The following SASH1 variants were observed in gnomAD, a reference collection of about 807,000 sequenced individuals.
The protein encoded by SASH1 is SAM and SH3 domain-containing protein 1.
Under a neutral mutation model 125.2 loss-of-function variants are expected in SASH1, and 44 were observed. The ratio of observed to expected loss-of-function variants is 0.35; its 90% CI spans 0.28 to 0.45. SASH1 has a LOEUF of 0.45. Among genes scored for constraint, SASH1 ranks in the 20% least tolerant of loss-of-function variants. The probability of loss-of-function intolerance (pLI) is 1.00; values close to 1 mark genes in which losing one functional copy is unlikely to be tolerated. For synonymous variants in SASH1, 639 were observed against 649.1 expected, an observed-to-expected ratio of 0.98 and a Z score of 0.24; for missense variants, 1,426 against 1,614.5, an observed-to-expected ratio of 0.88 and a Z score of 2.00.
chr6:148,434,470 GT>G (rs947030242), intron 2 of SASH1, among the ~76,000 whole-genome samples: 3 of 151,912 alleles, frequency 2.0e-5, no homozygotes, highest in African/African-American at 4.8e-5. Flanking sequence ...TACTCTCAGC[GT>G]TTTTTTTCCT....
At chr6:148,394,134 C>G (rs926219389) in intron 2 of SASH1, among the ~76,000 whole-genome samples, 4 of 152,240 alleles carry the variant, frequency 2.6e-5, no homozygotes, top group Admixed American at 6.5e-5. Context: ...CTCAGATGAT[C>G]CTCCCGGCTT....
At chr6:148,373,144 T>C (rs907127053) in intron 1 of SASH1, among the ~76,000 whole-genome samples, 7 of 151,990 alleles carry the variant, frequency 4.6e-5, no homozygotes, top group African/African-American at 1.2e-4. Context: ...TGAGCCAAGA[T>C]TGCGCCATTG....
At chr6:148,501,186 T>C (rs1160537901) in intron 8 of SASH1, among the ~76,000 whole-genome samples, 2 of 152,050 alleles carry the variant, frequency 1.3e-5, no homozygotes, top group Admixed American at 6.6e-5. Flanking sequence ...CTCCATCAGT[T>C]CTCTGTATTT....
At chr6:148,463,434 G>A (rs958986400) in intron 4 of SASH1, among the ~76,000 whole-genome samples, 1 of 152,112 alleles carries the variant, frequency 6.6e-6, no homozygotes. Context: ...CAGACACTGC[G>A]CCCAGCTGCG....
At chr6:148,329,066 G>C (rs1780916763) in intron 1 of SASH1, among the ~76,000 whole-genome samples, 1 of 152,158 alleles carries the variant, frequency 6.6e-6, no homozygotes, top group African/African-American at 2.4e-5. Context: ...GGTGACCTCT[G>C]AAAGCAAAAT....
intron 16 of SASH1, among the ~76,000 whole-genome samples, chr6:148,535,560 C>T (rs112619086): frequency 0.031 from 4,709 of 152,268 alleles, 86 homozygotes; most frequent in African/African-American, 0.039. Flanking sequence ...CAGAGAATTC[C>T]GTATCGATTG....
intron 1 of SASH1, among the ~76,000 whole-genome samples, chr6:148,373,741 G>T (rs191683921): frequency 1.4e-4 from 21 of 144,928 alleles, no homozygotes; most frequent in African/African-American, 3.8e-4. Context: ...AGGCCAAGGT[G>T]GGGGGGATCA....
chr6:148,281,921 CAAAA>C (rs59183034), intron 1 of SASH1, among the ~76,000 whole-genome samples: 1 of 136,932 alleles, frequency 7.3e-6, no homozygotes, highest in Non-Finnish European at 1.6e-5. Context: ...GACTCCGTCT[CAAAA>C]AAAAAAAAGG....
intron 2 of SASH1, among the ~76,000 whole-genome samples, chr6:148,403,659 GTAGCT>G (rs1784266104): frequency 1.3e-5 from 2 of 152,048 alleles, no homozygotes; most frequent in African/African-American, 2.4e-5. Context: ...AGCCTCCTAA[GTAGCT>G]GGGATTCCAG....
rs11431914 is a variant in SASH1 at position 148,470,028 on chromosome 6, T to TAA, written c.428-1377_428-1376dup. Among the ~76,000 whole-genome samples, 63 of 121,512 alleles carry TAA rather than the reference T, an allele frequency of 5.2e-4. 1 individual carries two copies. The highest frequency in any genetic ancestry group is 4.1e-3 in the South Asian group (16 of 3,898). 79.7% of individuals were successfully genotyped at this position (121,512 alleles called of 152,430 possible). A position where few individuals can be genotyped will look rare whatever the true frequency, so the allele number is the denominator to read the frequency against. ...GCGACAGAGCAAGACTCTGTCTCACTAAAAAAAAAAAAAGAAAGAAAAAGA... is the reference window on the plus strand; with the variant it reads ...GCGACAGAGCAAGACTCTGTCTCACTAAAAAAAAAAAAAAAGAAAGAAAAAGA... On this transcript the variant is annotated intron_variant, in intron 5 of 19. Transcript: ENST00000367467.
At chr6:148,370,667 C>T (rs949346482) in intron 1 of SASH1, among the ~76,000 whole-genome samples, 1 of 151,866 alleles carries the variant, frequency 6.6e-6, no homozygotes, top group Admixed American at 6.6e-5. Context: ...ACTAAAAATA[C>T]AAAAAACTAG....
intron 1 of SASH1, among the ~76,000 whole-genome samples, chr6:148,314,831 A>G (rs559133427): frequency 2.6e-4 from 38 of 148,098 alleles, no homozygotes; most frequent in Admixed American, 1.1e-3. Context: ...ATCTTGGCTC[A>G]CTGCAACCTC....
At chr6:148,400,560 G>C (rs1161928222) in intron 2 of SASH1, among the ~76,000 whole-genome samples, 2 of 152,040 alleles carry the variant, frequency 1.3e-5, no homozygotes. Context: ...GACCAGCCTG[G>C]GTAACATGGC....
At chr6:148,448,477 G>A (rs1776915959) in intron 4 of SASH1, among the ~76,000 whole-genome samples, 1 of 152,122 alleles carries the variant, frequency 6.6e-6, no homozygotes, top group Non-Finnish European at 1.5e-5. Context: ...GTGAGTCCCT[G>A]TTGCATTGGG....
At chr6:148,482,533 T>C (rs1220108597) in intron 7 of SASH1, among the ~76,000 whole-genome samples, 1 of 151,972 alleles carries the variant, frequency 6.6e-6, no homozygotes, top group African/African-American at 2.4e-5. Context: ...ACTTTTTTTT[T>C]TTTTTCGAGG....
chr6:148,492,353 C>G (rs1779141407), intron 8 of SASH1, among the ~76,000 whole-genome samples: 1 of 152,186 alleles, frequency 6.6e-6, no homozygotes, highest in African/African-American at 2.4e-5. Context: ...ATGGGTTCTT[C>G]TTAATAGTTG....
chr6:148,356,494 C>CTTTTTTGTTTTTTTTTTTTTT (rs1781942248), intron 1 of SASH1, among the ~76,000 whole-genome samples: 1 of 116,284 alleles, frequency 8.6e-6, no homozygotes, highest in Non-Finnish European at 1.7e-5. Flanking sequence ...ACTTTTAGTT[C>CTTTTTTGTTTTTTTTTTTTTT]TTTTTTTTTT....
At chr6:148,410,128 T>G (rs1456458978) in intron 2 of SASH1, among the ~76,000 whole-genome samples, 1 of 88,328 alleles carries the variant, frequency 1.1e-5, no homozygotes, top group Non-Finnish European at 2.3e-5. Context: ...TTTTTTTTTT[T>G]GAGACAGAGT....
chr6:148,216,661 A>C, the SASH1 span, among the ~76,000 whole-genome samples: 11,344 of 152,192 alleles, frequency 0.075, 514 homozygotes, highest in East Asian at 0.12. Context: ...GCAGGGAAAG[A>C]GGATGAGATG....
Sources: allele counts gnomAD v4.1 joint callset (sites outside exome capture counted in the v4.1 genomes callset), GRCh38; gene constraint gnomAD v4.1.1; transcripts MANE v1.5; gene names NCBI Gene and HGNC (gene_info 2026-07-23, HGNC 2026-07-21).